Variants in CTNNA3 observed in about 807,000 individuals in gnomAD.
CTNNA3 encodes the protein catenin alpha-3.
In CTNNA3, 76 loss-of-function variants were observed where a neutral mutation model predicts 95.7. The ratio of observed to expected loss-of-function variants is 0.79; its 90% CI spans 0.66 to 0.96. The LOEUF is 0.96. Ranked by LOEUF, CTNNA3 falls within the 40% of genes least tolerant of loss-of-function variation. The pLI is 0.00. For synonymous variants in CTNNA3, 431 were observed against 374.4 expected (o/e 1.15, Z -1.74); for missense variants, 1,191 against 1,089.8 (o/e 1.09, Z -1.31).
intron 10 of CTNNA3, among the ~76,000 whole-genome samples, chr10:66,553,526 T>TC (rs1455852281): frequency 8.2e-6 from 1 of 121,952 alleles, no homozygotes; most frequent in Non-Finnish European, 1.7e-5. Context: ...TCTTTTTTTT[T>TC]TTTTTTTTTT....
chr10:67,598,682 TGA>T (rs1453103348), intron 3 of CTNNA3, among the ~76,000 whole-genome samples: 2 of 152,142 alleles, frequency 1.3e-5, no homozygotes, highest in Non-Finnish European at 2.9e-5. Flanking sequence ...CCGTAGTGGT[TGA>T]GAGTTACATT....
intron 9 of CTNNA3, among the ~76,000 whole-genome samples, chr10:66,665,649 T>G (rs1026536842): frequency 2.6e-5 from 4 of 152,192 alleles, no homozygotes; most frequent in Admixed American, 2.0e-4. Flanking sequence ...CATAGGCCAG[T>G]AAGGCCACAT....
chr10:66,126,006 A>G (rs2082814195), intron 13 of CTNNA3, among the ~76,000 whole-genome samples: 1 of 152,192 alleles, frequency 6.6e-6, no homozygotes, highest in Admixed American at 6.5e-5. Context: ...TGAAAAAATC[A>G]TTTAGGAGGG....
intron 3 of CTNNA3, among the ~76,000 whole-genome samples, chr10:67,568,105 G>T (rs1020127128): frequency 6.6e-6 from 1 of 151,850 alleles, no homozygotes; most frequent in African/African-American, 2.4e-5. Context: ...AGTAAACTTT[G>T]GGTTAAAAAA....
rs73315293 is a variant in CTNNA3, at chr10:66,983,607, C to G, written c.1047+196710G>C. 7.4e-3 allele frequency among the ~76,000 whole-genome samples: 1,129 copies of G among 152,200 alleles called. 17 individuals are homozygous for G. The highest frequency in any genetic ancestry group is 0.026 in the African/African-American group (1,076 of 41,510). ...TTATTTTGTACAACATCAAACATAACAAAATTGATAAGGAGATTATTCTGC... is the reference window on the plus strand; with the variant it reads ...TTATTTTGTACAACATCAAACATAAGAAAATTGATAAGGAGATTATTCTGC... On this transcript the variant is annotated intron_variant, in intron 7 of 17. Transcript: ENST00000433211.
intron 11 of CTNNA3, among the ~76,000 whole-genome samples, chr10:66,381,984 C>T (rs1463425113): frequency 2.6e-5 from 4 of 152,160 alleles, no homozygotes; most frequent in Non-Finnish European, 5.9e-5. Flanking sequence ...CAAATAGGAG[C>T]AGCTCCGGTC....
At chr10:66,305,583 ACCT>A (rs1480104111) in intron 12 of CTNNA3, among the ~76,000 whole-genome samples, 1 of 152,146 alleles carries the variant, frequency 6.6e-6, no homozygotes, top group Non-Finnish European at 1.5e-5. Flanking sequence ...TTCTGATGGT[ACCT>A]TATACTTTTC....
chr10:67,707,198 T>A (rs147686806), intron 1 of CTNNA3, among the ~76,000 whole-genome samples: 253 of 152,300 alleles, frequency 1.7e-3, no homozygotes, highest in African/African-American at 5.3e-3. Context: ...GAAGTTTAGC[T>A]CATGTTATTC....
intron 5 of CTNNA3, among the ~76,000 whole-genome samples, chr10:67,483,565 C>A (rs1459625555): frequency 2.7e-5 from 4 of 149,548 alleles, no homozygotes; most frequent in Non-Finnish European, 5.9e-5. Context: ...GGAATTGAAC[C>A]CATGGACACA....
rs772272609 is a variant in CTNNA3 at position 67,566,043 on chromosome 10, GTATATATATATATATA to G, written c.293-26390_293-26375del. 1.8e-3 allele frequency among the ~76,000 whole-genome samples: 49 copies of G among 26,970 alleles called. 3 individuals carry two copies. In the East Asian group the frequency reaches 0.061, roughly 34 times the overall value. The allele number at this position is 26,970 out of a possible 152,430, so 17.7% of individuals were successfully genotyped here. A position where few individuals can be genotyped will look rare whatever the true frequency, so the allele number is the denominator to read the frequency against. On this transcript the variant is annotated intron_variant, in intron 3 of 17. Transcript: ENST00000433211. ...CACACACACACACATATGTGTGTGT[GTATATATATATATATA>G]TATATATATATATACAAAACCTAGG...
At chr10:66,613,849 T>C (rs923810999) in intron 10 of CTNNA3, among the ~76,000 whole-genome samples, 4 of 152,062 alleles carry the variant, frequency 2.6e-5, no homozygotes, top group Admixed American at 2.0e-4. Flanking sequence ...TCATTTTACA[T>C]TGAATATTTG....
At chr10:65,925,793 A>G (rs907510711) in intron 17 of CTNNA3, among the ~76,000 whole-genome samples, 1 of 152,156 alleles carries the variant, frequency 6.6e-6, no homozygotes, top group Non-Finnish European at 1.5e-5. Context: ...ACTGTAGTAT[A>G]TAAGTGTTTA....
intron 7 of CTNNA3, among the ~76,000 whole-genome samples, chr10:67,090,735 G>A (rs1048842931): frequency 2.0e-5 from 3 of 152,002 alleles, no homozygotes; most frequent in Non-Finnish European, 4.4e-5. Context: ...ACGTGTCCAG[G>A]CCACGCATCA....
At chr10:66,879,095 C>T (rs535647517) in intron 7 of CTNNA3, among the ~76,000 whole-genome samples, 2 of 152,154 alleles carry the variant, frequency 1.3e-5, no homozygotes, top group East Asian at 3.9e-4. Flanking sequence ...AGCCAAGTCC[C>T]CAAAGCCACA....
At chr10:66,860,161 T>TAAA (rs1554865250) in intron 7 of CTNNA3, among the ~76,000 whole-genome samples, 1 of 151,760 alleles carries the variant, frequency 6.6e-6, no homozygotes, top group African/African-American at 2.4e-5. Context: ...AAACTTTAAG[T>TAAA]ATAATAATAA....
intron 7 of CTNNA3, among the ~76,000 whole-genome samples, chr10:67,030,268 T>C (rs1853634700): frequency 6.6e-6 from 1 of 152,202 alleles, no homozygotes; most frequent in Non-Finnish European, 1.5e-5. Flanking sequence ...TGTTAAACAA[T>C]GTTTAAAGTT....
intron 10 of CTNNA3, among the ~76,000 whole-genome samples, chr10:66,570,290 T>TGAATCTCCAGGTGAATCTGTAG (rs1842830875): frequency 6.6e-6 from 1 of 151,552 alleles, no homozygotes; most frequent in African/African-American, 2.4e-5. Flanking sequence ...TTTTGTTTTG[T>TGAATCTCCAGGTGAATCTGTAG]TTTGTTTTGT....
chr10:67,642,976 T>C (rs988607213), intron 2 of CTNNA3, among the ~76,000 whole-genome samples: 4 of 151,648 alleles, frequency 2.6e-5, no homozygotes, highest in African/African-American at 7.3e-5. Context: ...ACTGGGTATA[T>C]ACCCAAAGGA....
At chr10:67,747,218 A>C (rs4746700) in intron 1 of CTNNA3, among the ~76,000 whole-genome samples, 26,826 of 151,888 alleles carry the variant, frequency 0.18, 3,441 homozygotes, top group East Asian at 0.44. Context: ...TCTGAGGAAT[A>C]TGAGCAGACC....
Sources: allele counts gnomAD v4.1 joint callset (sites outside exome capture counted in the v4.1 genomes callset), GRCh38; gene constraint gnomAD v4.1.1; transcripts MANE v1.5; gene names NCBI Gene and HGNC (gene_info 2026-07-23, HGNC 2026-07-21).